Variants in ABCB5 observed in about 807,000 individuals in gnomAD.
ABCB5 encodes the protein ATP-binding cassette sub-family B member 5.
ABCB5 carries 155 observed loss-of-function variants against 144.2 expected under a neutral mutation model. The ratio of observed to expected loss-of-function variants is 1.08; its 90% CI spans 0.94 to 1.23. ABCB5 has a LOEUF of 1.23. Ranked by LOEUF, ABCB5 falls within the 50% of genes most tolerant of loss-of-function variation. The pLI, the probability that ABCB5 is intolerant of heterozygous loss-of-function variation, is 0.00. For missense variants in ABCB5, 1,830 were observed against 1,520.8 expected (o/e 1.20, Z -3.38); for synonymous variants, 610 against 528.6 (o/e 1.15, Z -2.11).
chr7:20,738,610 C>G (rs1782462486), intron 23 of ABCB5, among the ~76,000 whole-genome samples: 1 of 152,180 alleles, frequency 6.6e-6, no homozygotes, highest in Admixed American at 6.5e-5. Context: ...AAATCCAGAT[C>G]TCACTACTGG....
At chr7:20,678,127 G>C (rs561168250) in intron 14 of ABCB5, among the ~76,000 whole-genome samples, 67 of 152,250 alleles carry the variant, frequency 4.4e-4, no homozygotes, top group African/African-American at 1.5e-3. Context: ...TTAGTATATT[G>C]ATATATTTCT....
At chr7:20,636,430 C>T (rs1401157721) in intron 5 of ABCB5, among the ~76,000 whole-genome samples, 1 of 151,904 alleles carries the variant, frequency 6.6e-6, no homozygotes, top group Non-Finnish European at 1.5e-5. Context: ...AACATACTTA[C>T]CTTTTATAGT....
intron 17 of ABCB5, among the ~76,000 whole-genome samples, chr7:20,699,349 T>A (rs544341665): frequency 6.6e-6 from 1 of 152,364 alleles, no homozygotes; most frequent in South Asian, 2.1e-4. Flanking sequence ...ATGCAGATGA[T>A]AGCATCATGG....
Position 20,711,789 on chromosome 7 carries a change from T to TC in ABCB5, c.2421+6982_2421+6983insC, listed in dbSNP as rs1491496676. Among the ~76,000 whole-genome samples the TC allele has an allele frequency of 8.7e-4, 30 of 34,556 alleles. 3 individuals carry two copies. The East Asian group carries it at 0.016, about 18-fold the overall frequency. The allele number at this position is 34,556 out of a possible 152,430, so 22.7% of individuals were successfully genotyped here. A position where few individuals can be genotyped will look rare whatever the true frequency, so the allele number is the denominator to read the frequency against. ...GCCTTTCCTTCTTTCTCTTTCTTTCTTTCTTTCTTTCTTTCTTTCTTTCTT... is the reference window on the plus strand; with the variant it reads ...GCCTTTCCTTCTTTCTCTTTCTTTCTCTTCTTTCTTTCTTTCTTTCTTTCTT... On this transcript the variant is annotated intron_variant, in intron 20 of 27. Coordinates refer to ENST00000404938, the MANE Select transcript of ABCB5 (RefSeq NM_001163941.2).
intron 3 of ABCB5, among the ~76,000 whole-genome samples, chr7:20,627,519 T>G (rs931292559): frequency 3.9e-5 from 6 of 152,206 alleles, no homozygotes; most frequent in Non-Finnish European, 7.3e-5. Context: ...TTGGCCTCTC[T>G]CGGTAATATA....
rs1396877345 is a variant in ABCB5 at position 20,647,716 on chromosome 7, C to A, written c.1095+68C>A. The A allele has an allele frequency of 2.6e-6, 4 of 1,523,964 alleles. No individual in the cohort carries two copies. The South Asian group carries it at 3.8e-5, about 15-fold the overall frequency. The allele number at this position is 1,523,964 out of a possible 1,614,324, so 94.4% of individuals were successfully genotyped here. ...AAGAAGGAGACAAAAAAACATACAC[C>A]CTCATTTTCACTAAAACAATAGGAT... is the stretch of plus-strand genomic sequence containing the variant. On this transcript the variant is annotated intron_variant, in intron 10 of 27. Transcript: ENST00000404938.
At chr7:20,668,562 C>T in intron 14 of ABCB5, among the ~76,000 whole-genome samples, 1 of 151,588 alleles carries the variant, frequency 6.6e-6, no homozygotes, top group African/African-American at 2.4e-5. Flanking sequence ...GCGTCTCCGC[C>T]CGGCAGCCAC....
At chr7:20,666,220 A>G (rs990780444) in intron 14 of ABCB5, among the ~76,000 whole-genome samples, 71 of 152,050 alleles carry the variant, frequency 4.7e-4, no homozygotes, top group African/African-American at 1.5e-3. Context: ...ATCATGGAGT[A>G]CATGTCACCG....
chr7:20,740,931 G>T (rs867663992), intron 24 of ABCB5, among the ~76,000 whole-genome samples: 1 of 151,848 alleles, frequency 6.6e-6, no homozygotes, highest in African/African-American at 2.4e-5. Context: ...ACATGGCAAA[G>T]CCCCATCGCT....
chr7:20,616,851 C>T (rs1783697100), intron 1 of ABCB5, among the ~76,000 whole-genome samples: 1 of 152,236 alleles, frequency 6.6e-6, no homozygotes, highest in Admixed American at 6.5e-5. Flanking sequence ...GACCTGCCAA[C>T]TGGCTCACAA....
At chr7:20,626,159 T>TTA (rs1562526756) in intron 2 of ABCB5, among the ~76,000 whole-genome samples, 4 of 151,716 alleles carry the variant, frequency 2.6e-5, no homozygotes, top group African/African-American at 9.7e-5. Flanking sequence ...GGCTGGGAGA[T>TTA]GGGGACAATG....
At chr7:20,656,408 A>G (rs1784793178) in intron 13 of ABCB5, among the ~76,000 whole-genome samples, 1 of 152,216 alleles carries the variant, frequency 6.6e-6, no homozygotes, top group Non-Finnish European at 1.5e-5. Context: ...AAGAACTGCT[A>G]TAGCTTGATG....
intron 27 of ABCB5, among the ~76,000 whole-genome samples, chr7:20,753,920 A>G (rs911463765): frequency 2.6e-5 from 4 of 152,212 alleles, no homozygotes; most frequent in Non-Finnish European, 5.9e-5. Context: ...GAGTTATTCT[A>G]CCTTCTACAG....
In ABCB5 at chr7:20,643,144, T is replaced by C. The variant is rs559696180; in HGVS notation, c.315-40T>C. 2.2e-5 allele frequency: 33 copies of C among 1,515,062 alleles called. No individual in the cohort carries two copies. The South Asian group carries it at 3.3e-4, about 15-fold the overall frequency. 93.9% of individuals were successfully genotyped at this position (1,515,062 alleles called of 1,614,324 possible). A position where few individuals can be genotyped will look rare whatever the true frequency, so the allele number is the denominator to read the frequency against. On this transcript the variant is annotated intron_variant, in intron 5 of 27. Transcript: ENST00000404938. ...TTTTATGTGTGTAACAAGATAAAAATGTTGTGCTTCAGTCTCACATTCTAA... is the reference window on the plus strand; with the variant it reads ...TTTTATGTGTGTAACAAGATAAAAACGTTGTGCTTCAGTCTCACATTCTAA...
At chr7:20,671,658 CT>C (rs989344948) in intron 14 of ABCB5, among the ~76,000 whole-genome samples, 8 of 152,272 alleles carry the variant, frequency 5.3e-5, no homozygotes, top group African/African-American at 1.9e-4. Flanking sequence ...TAGTTTGTTT[CT>C]TTTTATTGAT....
chr7:20,659,365 C>T (rs546407602), intron 14 of ABCB5: 1 of 1,260,642 alleles, frequency 7.9e-7, no homozygotes, highest in Admixed American at 3.7e-5. Context: ...GCACATTTTA[C>T]TTTGCATTTG....
chr7:20,685,676 C>T lies in ABCB5; in HGVS notation c.1870-20C>T, dbSNP rs1653139881. 3 of 1,578,608 alleles carry T rather than the reference C, an allele frequency of 1.9e-6. No homozygotes were observed. In the South Asian group the frequency reaches 3.5e-5, roughly 18 times the overall value. On this transcript the variant is annotated intron_variant, in intron 15 of 27. Transcript: ENST00000404938. Reference sequence around the variant, plus strand: ...TTTAAGGCATTCTTATAATGATAACCTATATATTCTTCCTGTAAGGATATT... The same window carrying T: ...TTTAAGGCATTCTTATAATGATAACTTATATATTCTTCCTGTAAGGATATT...
At position 20,745,450 on chromosome 7, in the gene ABCB5, T is replaced by C; in HGVS notation, c.3429+12T>C. On this transcript the variant is annotated intron_variant, in intron 26 of 27. Transcript: ENST00000404938. ...AAGGTCTCCCTGAGGTAAGAAAATTTCTGAAATCTTGAATTATAAAGCTGC... is the reference window on the plus strand; with the variant it reads ...AAGGTCTCCCTGAGGTAAGAAAATTCCTGAAATCTTGAATTATAAAGCTGC... The C allele has an allele frequency of 6.2e-7, 1 of 1,613,650 alleles. No individual in the cohort carries two copies. The highest frequency in any genetic ancestry group is 8.5e-7 in the Non-Finnish European group (1 of 1,179,788).
chr7:20,635,263 T>C lies in ABCB5; in HGVS notation c.314+3150T>C, dbSNP rs146226512. Among the ~76,000 whole-genome samples, 14 of 152,234 alleles carry C rather than the reference T, an allele frequency of 9.2e-5. No homozygotes were observed. The East Asian group carries it at 2.5e-3, about 27-fold the overall frequency. On this transcript the variant is annotated intron_variant, in intron 5 of 27. Coordinates refer to ENST00000404938, the MANE Select transcript of ABCB5 (RefSeq NM_001163941.2). ...CTCTATTCTTTTTCCTTGATCTATG[T>C]GTCTATTATTATACCAGTACCATGA...
Sources: allele counts gnomAD v4.1 joint callset (sites outside exome capture counted in the v4.1 genomes callset), GRCh38; gene constraint gnomAD v4.1.1; transcripts MANE v1.5; gene names NCBI Gene and HGNC (gene_info 2026-07-23, HGNC 2026-07-21).